The following NRXN1 variants were observed in gnomAD, a reference collection of about 807,000 sequenced individuals.
The protein encoded by NRXN1 is neurexin-1.
Under a neutral mutation model 150.9 loss-of-function variants are expected in NRXN1, and 39 were observed. The ratio of observed to expected loss-of-function variants is 0.26; its 90% CI spans 0.20 to 0.34. The LOEUF (loss-of-function observed/expected upper bound fraction) is 0.34, where lower values mean the gene tolerates loss of function less well. NRXN1 is among the 10% of genes least tolerant of loss of function. The pLI, the probability that NRXN1 is intolerant of heterozygous loss-of-function variation, is 1.00. For missense variants in NRXN1, 1,815 were observed against 1,949.9 expected (o/e 0.93, Z 1.30); for synonymous variants, 924 against 757.0 (o/e 1.22, Z -3.62).
chr2:49,934,754 A>G (rs1035593067), intron 22 of NRXN1, among the ~76,000 whole-genome samples: 2 of 152,022 alleles, frequency 1.3e-5, no homozygotes, highest in East Asian at 3.9e-4. Context: ...CAGGAAAGTT[A>G]ATCATTTCTT....
chr2:50,984,844 G>A (rs13007737), intron 2 of NRXN1, among the ~76,000 whole-genome samples: 6,327 of 152,028 alleles, frequency 0.042, 211 homozygotes, highest in Non-Finnish European at 0.06. Flanking sequence ...AGAGTAATTA[G>A]TTTGTATTTA....
intron 5 of NRXN1, among the ~76,000 whole-genome samples, chr2:50,675,829 C>A (rs1052404178): frequency 2.6e-5 from 4 of 152,012 alleles, no homozygotes; most frequent in Admixed American, 2.0e-4. Flanking sequence ...ATTAACAAAT[C>A]AATATGTTCT....
rs796259712 is a variant in NRXN1 at position 50,364,177 on chromosome 2, CAT to C, written c.3364+101263_3364+101264del. Among the ~76,000 whole-genome samples the C allele has an allele frequency of 2.6e-5, 4 of 152,230 alleles. 1 individual carries two copies. Among genetic ancestry groups the C allele is most frequent in the African/African-American group, 9.6e-5 (4 of 41,522 alleles). ...ATGGGTGCAGCAAACCACCATGGCACATGTTTACCCATGTAACAAACCTGCAT... is the reference window on the plus strand; with the variant it reads ...ATGGGTGCAGCAAACCACCATGGCACGTTTACCCATGTAACAAACCTGCAT... On this transcript the variant is annotated intron_variant, in intron 17 of 22. Transcript: ENST00000401669.
At chr2:50,006,207 C>A (rs968056299) in intron 21 of NRXN1, among the ~76,000 whole-genome samples, 6 of 152,082 alleles carry the variant, frequency 3.9e-5, no homozygotes, top group Non-Finnish European at 8.8e-5. Context: ...GTTCCTCTTG[C>A]CTACACAATA....
chr2:50,317,464 A>G (rs1160811491), intron 17 of NRXN1, among the ~76,000 whole-genome samples: 1 of 151,764 alleles, frequency 6.6e-6, no homozygotes, highest in Non-Finnish European at 1.5e-5. Flanking sequence ...CAATGGGATA[A>G]TATCTCCAAA....
At chr2:50,655,957 A>G (rs908505118) in intron 5 of NRXN1, among the ~76,000 whole-genome samples, 1 of 151,972 alleles carries the variant, frequency 6.6e-6, no homozygotes, top group Admixed American at 6.6e-5. Flanking sequence ...TTTAAACCTA[A>G]TTACCGATAC....
At chr2:50,880,650 G>T in intron 5 of NRXN1, among the ~76,000 whole-genome samples, 1 of 151,934 alleles carries the variant, frequency 6.6e-6, no homozygotes, top group East Asian at 1.9e-4. Flanking sequence ...TTTGCACGAG[G>T]TTAACAGAAG....
chr2:49,938,032 G>A (rs575147813), intron 22 of NRXN1, among the ~76,000 whole-genome samples: 2 of 152,176 alleles, frequency 1.3e-5, no homozygotes, highest in East Asian at 3.9e-4. Flanking sequence ...ACTGAAAATT[G>A]CATGGTAATT....
rs892975614 is a variant in NRXN1 at position 50,231,536 on chromosome 2, C to T, written c.3546+5253G>A. On this transcript the variant is annotated intron_variant, in intron 18 of 22. Transcript: ENST00000401669. ...GAGCTTGGTTTCAAAATAAGGCTTC[C>T]GGCCCAGCAAAGTACAAAGAAGCAA... Among the ~76,000 whole-genome samples, 52 of 152,078 alleles carry T rather than the reference C, an allele frequency of 3.4e-4. 1 individual carries two copies. Among genetic ancestry groups the T allele is most frequent in the Non-Finnish European group, 7.1e-4 (48 of 67,982 alleles).
intron 5 of NRXN1, among the ~76,000 whole-genome samples, chr2:50,654,864 T>C (rs1268358554): frequency 3.3e-5 from 5 of 152,034 alleles, no homozygotes; most frequent in African/African-American, 9.7e-5. Context: ...TTCAATCTAA[T>C]CAGTAGCCAA....
chr2:50,208,131 T>C, intron 18 of NRXN1, among the ~76,000 whole-genome samples: 1 of 152,106 alleles, frequency 6.6e-6, no homozygotes, highest in East Asian at 1.9e-4. Context: ...TGTTCTGAAA[T>C]GCACTGCTCA....
At chr2:50,106,348 T>C (rs1472577045) in intron 18 of NRXN1, among the ~76,000 whole-genome samples, 1 of 151,992 alleles carries the variant, frequency 6.6e-6, no homozygotes. Context: ...ATAAAGCTTA[T>C]ACCAGTGCTG....
intron 17 of NRXN1, among the ~76,000 whole-genome samples, chr2:50,314,728 A>T (rs370011253): frequency 1.4e-4 from 21 of 152,222 alleles, no homozygotes; most frequent in African/African-American, 5.1e-4. Flanking sequence ...TAAGAATAAA[A>T]GGTTCTTAGG....
chr2:50,965,007 A>T (rs1693824179), intron 2 of NRXN1, among the ~76,000 whole-genome samples: 1 of 151,468 alleles, frequency 6.6e-6, no homozygotes, highest in Non-Finnish European at 1.5e-5. Flanking sequence ...AAGAGCCAAG[A>T]ACACATTAGG....
chr2:50,788,978 A>G (rs1705552236), intron 5 of NRXN1, among the ~76,000 whole-genome samples: 1 of 152,154 alleles, frequency 6.6e-6, no homozygotes, highest in African/African-American at 2.4e-5. Context: ...GTAGGACAGT[A>G]AGAATGCAAG....
chr2:50,172,264 C>G (rs2060076337), intron 18 of NRXN1, among the ~76,000 whole-genome samples: 1 of 152,042 alleles, frequency 6.6e-6, no homozygotes, highest in Non-Finnish European at 1.5e-5. Context: ...CTATTTTAGC[C>G]TGTACCCTAT....
rs145558855 is a variant in NRXN1, at chr2:50,091,324, T to A, written c.3717A>T (p.Ala1239=). The A allele has an allele frequency of 6.2e-6, 10 of 1,614,044 alleles. No individual in the cohort carries two copies. The African/African-American group carries it at 1.3e-4, about 22-fold the overall frequency. The change falls in exon 19 of 23, where the codon GCA becomes GCT. Residue 1239 remains alanine, a splice_region_variant and synonymous_variant. Transcript: ENST00000401669. ...CCCGATACATATTCACTTGCTTACCTGCAGGGTAGCGCTCGATCACTGGCC... is the reference window on the plus strand; with the variant it reads ...CCCGATACATATTCACTTGCTTACCAGCAGGGTAGCGCTCGATCACTGGCC... ...DSWPVIERYP[A]GNNDNERLAI...
rs72887853 is a variant in NRXN1, at chr2:49,994,770, C to T, written c.4129-50979G>A. On this transcript the variant is annotated intron_variant, in intron 21 of 22. Coordinates refer to ENST00000401669, the MANE Select transcript of NRXN1 (RefSeq NM_001330078.2). ...CATTTAAAATAATTATTTGATGATACAGTCAAACAAGAAAGTATTCTGCTT... is the reference window on the plus strand; with the variant it reads ...CATTTAAAATAATTATTTGATGATATAGTCAAACAAGAAAGTATTCTGCTT... 5.1e-3 allele frequency among the ~76,000 whole-genome samples: 784 copies of T among 152,300 alleles called. 8 individuals are homozygous for T. Among genetic ancestry groups the T allele is most frequent in the African/African-American group, 0.018 (752 of 41,568 alleles).
chr2:50,182,125 T>C (rs1487568497), intron 18 of NRXN1, among the ~76,000 whole-genome samples: 1 of 148,598 alleles, frequency 6.7e-6, no homozygotes, highest in Non-Finnish European at 1.5e-5. Flanking sequence ...TTTTTTTTTT[T>C]ACTTTTAGAT....
Sources: allele counts gnomAD v4.1 joint callset (sites outside exome capture counted in the v4.1 genomes callset), GRCh38; gene constraint gnomAD v4.1.1; transcripts MANE v1.5; gene names NCBI Gene and HGNC (gene_info 2026-07-23, HGNC 2026-07-21).